Variants in NTM observed in about 807,000 individuals in gnomAD.
The protein encoded by NTM is IgLON family member 2.
NTM carries 13 observed loss-of-function variants against 42.1 expected under a neutral mutation model. That is an observed-to-expected ratio of 0.31 (90% CI 0.20 to 0.49). The LOEUF (loss-of-function observed/expected upper bound fraction) is 0.49. Among genes scored for constraint, NTM ranks in the 20% least tolerant of loss-of-function variants. The pLI is 0.99. For missense variants in NTM, 373 were observed against 452.8 expected (o/e 0.82, Z 1.60); for synonymous variants, 187 against 179.2 (o/e 1.04, Z -0.35).
intron 1 of NTM, among the ~76,000 whole-genome samples, chr11:131,427,159 C>T (rs912459567): frequency 4.6e-5 from 7 of 150,576 alleles, no homozygotes; most frequent in African/African-American, 1.5e-4. Context: ...AAGCAGAAGA[C>T]CGGCACCTGA....
chr11:131,911,255 T>C (rs1384999360), intron 1 of NTM: 7 of 1,419,254 alleles, frequency 4.9e-6, no homozygotes, highest in Non-Finnish European at 6.4e-6. Flanking sequence ...TTGGCCGTCC[T>C]CCGTGGAACC....
intron 1 of NTM, among the ~76,000 whole-genome samples, chr11:131,474,343 C>A (rs1462679228): frequency 6.6e-6 from 1 of 152,108 alleles, no homozygotes; most frequent in Admixed American, 6.5e-5. Flanking sequence ...TTTCTTTGGG[C>A]TCTAACTGTA....
chr11:131,840,468 G>T (rs936337037), intron 1 of NTM, among the ~76,000 whole-genome samples: 1 of 152,162 alleles, frequency 6.6e-6, no homozygotes, highest in Non-Finnish European at 1.5e-5. Flanking sequence ...GATCGACCAT[G>T]AGATTTGAAA....
At chr11:132,294,958 TAA>T (rs2094562903) in intron 4 of NTM, among the ~76,000 whole-genome samples, 1 of 152,204 alleles carries the variant, frequency 6.6e-6, no homozygotes, top group African/African-American at 2.4e-5. Flanking sequence ...AGCTTTTAAC[TAA>T]GAATATTTGT....
intron 2 of NTM, among the ~76,000 whole-genome samples, chr11:132,007,525 T>C (rs74863301): frequency 0.018 from 2,741 of 152,292 alleles, 64 homozygotes; most frequent in African/African-American, 0.055. Context: ...TCCAGGCAGA[T>C]ATTTCTGATG....
intron 4 of NTM, among the ~76,000 whole-genome samples, chr11:132,300,789 G>T (rs975823470): frequency 1.3e-5 from 2 of 152,174 alleles, no homozygotes; most frequent in African/African-American, 4.8e-5. Flanking sequence ...CTCAGAACTG[G>T]CTCTGGTATT....
At position 131,982,017 on chromosome 11, in the gene NTM, TAAAAA is replaced by T. The variant is rs761712855; in HGVS notation, c.167+70371_167+70375del. 2.7e-3 allele frequency among the ~76,000 whole-genome samples: 382 copies of T among 142,410 alleles called. 3 individuals are homozygous for T. Among genetic ancestry groups the T allele is most frequent in the Admixed American group, 2.6e-3 (37 of 14,242 alleles). The allele number at this position is 142,410 out of a possible 152,430, so 93.4% of individuals were successfully genotyped here. On this transcript the variant is annotated intron_variant, in intron 2 of 8. Coordinates refer to ENST00000683400, the MANE Select transcript of NTM (RefSeq NM_001352005.2). ...ACAGAGCGGGACTCCATCTCAAAAA[TAAAAA>T]AGAAAAGGAGAGAAAACAAGCAAAC...
rs1031178723 is a variant in NTM at position 132,317,048 on chromosome 11, T to C, written c.934+2345T>C. Reference sequence around the variant, plus strand: ...ACGCTCTCTCCAAGTGGCCTAGACGTTGAGAAGTGAGGAATTCTGGTGCAA... The same window carrying C: ...ACGCTCTCTCCAAGTGGCCTAGACGCTGAGAAGTGAGGAATTCTGGTGCAA... On this transcript the variant is annotated intron_variant, in intron 7 of 8. Coordinates refer to ENST00000683400, the MANE Select transcript of NTM (RefSeq NM_001352005.2). 2.6e-5 allele frequency among the ~76,000 whole-genome samples: 4 copies of C among 152,234 alleles called. No homozygotes were observed. The East Asian group carries it at 5.8e-4, about 22-fold the overall frequency.
At chr11:131,598,543 G>A (rs2060008859) in intron 1 of NTM, among the ~76,000 whole-genome samples, 1 of 152,036 alleles carries the variant, frequency 6.6e-6, no homozygotes, top group Non-Finnish European at 1.5e-5. Context: ...TGTGCACTCG[G>A]GGCGGAGAGC....
In NTM at chr11:131,968,326, A is replaced by C. The variant is rs555959812; in HGVS notation, c.167+56678A>C. ...TTTGCTCTCTGGAGACAGAGGGACC[A>C]TGCCACTGAATACACTGGACCCTGG... On this transcript the variant is annotated intron_variant, in intron 2 of 8. Transcript: ENST00000683400. Among the ~76,000 whole-genome samples, 34 of 152,320 alleles carry C rather than the reference A, an allele frequency of 2.2e-4. No homozygotes were observed. The South Asian group carries it at 7.0e-3, about 32-fold the overall frequency.
At chr11:131,501,768 C>T (rs1341270740) in intron 1 of NTM, among the ~76,000 whole-genome samples, 1 of 152,082 alleles carries the variant, frequency 6.6e-6, no homozygotes, top group Admixed American at 6.6e-5. Context: ...TTAGAGAAAG[C>T]AAAATCACTG....
intron 2 of NTM, among the ~76,000 whole-genome samples, chr11:132,053,392 G>C (rs2079137392): frequency 6.6e-6 from 1 of 152,136 alleles, no homozygotes; most frequent in Non-Finnish European, 1.5e-5. Context: ...ACAGAACTCT[G>C]GTCTTGTTAA....
intron 1 of NTM, among the ~76,000 whole-genome samples, chr11:131,822,326 C>A (rs144732363): frequency 6.6e-6 from 1 of 152,100 alleles, no homozygotes; most frequent in East Asian, 1.9e-4. Context: ...AAGACTCTCA[C>A]GCAGCTTTCT....
intron 1 of NTM, among the ~76,000 whole-genome samples, chr11:131,516,358 G>A (rs1216285950): frequency 1.3e-5 from 2 of 152,160 alleles, no homozygotes; most frequent in Non-Finnish European, 2.9e-5. Context: ...TGCCCTTTGT[G>A]CAAGTTGACC....
intron 1 of NTM, among the ~76,000 whole-genome samples, chr11:131,459,504 GA>G (rs5795725): frequency 0.061 from 9,227 of 151,712 alleles, 652 homozygotes; most frequent in East Asian, 0.21. Flanking sequence ...AAAGACTATA[GA>G]AAAAAAAGAA....
intron 4 of NTM, among the ~76,000 whole-genome samples, chr11:132,279,458 C>T (rs566537068): frequency 1.3e-5 from 2 of 152,304 alleles, no homozygotes; most frequent in African/African-American, 4.8e-5. Context: ...ATCCTACAGT[C>T]CTTTTGCTTG....
chr11:131,824,861 T>C (rs1265059531), intron 1 of NTM, among the ~76,000 whole-genome samples: 2 of 152,266 alleles, frequency 1.3e-5, no homozygotes, highest in East Asian at 3.9e-4. Flanking sequence ...AGCTCTGCTG[T>C]AAGAGGCAGA....
At chr11:131,954,763 A>G (rs2061388740) in intron 2 of NTM, among the ~76,000 whole-genome samples, 1 of 152,224 alleles carries the variant, frequency 6.6e-6, no homozygotes, top group South Asian at 2.1e-4. Context: ...AGTAGTGTAT[A>G]TGCTTCTGTC....
chr11:132,056,600 G>A (rs1479689676), intron 2 of NTM, among the ~76,000 whole-genome samples: 1 of 152,226 alleles, frequency 6.6e-6, no homozygotes, highest in Non-Finnish European at 1.5e-5. Context: ...AATGAATGGA[G>A]AGACAAGGAG....
Sources: allele counts gnomAD v4.1 joint callset (sites outside exome capture counted in the v4.1 genomes callset), GRCh38; gene constraint gnomAD v4.1.1; transcripts MANE v1.5; gene names NCBI Gene and HGNC (gene_info 2026-07-23, HGNC 2026-07-21).